The following ARHGAP24 variants were observed in gnomAD, a reference collection of about 807,000 sequenced individuals.
ARHGAP24 encodes rho GTPase-activating protein 24.
Under a neutral mutation model 76.4 loss-of-function variants are expected in ARHGAP24, and 50 were observed. The observed-to-expected ratio is 0.65, with a 90% CI of 0.52 to 0.83. The LOEUF (loss-of-function observed/expected upper bound fraction) is 0.83. Among genes scored for constraint, ARHGAP24 ranks in the 40% least tolerant of loss-of-function variants. ARHGAP24 has a pLI of 0.00. For synonymous variants in ARHGAP24, 345 were observed against 323.3 expected, an observed-to-expected ratio of 1.07 and a Z score of -0.72; for missense variants, 930 against 914.2, an observed-to-expected ratio of 1.02 and a Z score of -0.22.
intron 2 of ARHGAP24, among the ~76,000 whole-genome samples, chr4:85,685,745 A>G (rs1453096728): frequency 6.6e-6 from 1 of 152,212 alleles, no homozygotes; most frequent in Non-Finnish European, 1.5e-5. Context: ...TTACAAGAGC[A>G]GGTACTGCTT....
chr4:85,966,929 G>C (rs1222665142), intron 5 of ARHGAP24, among the ~76,000 whole-genome samples: 1 of 152,048 alleles, frequency 6.6e-6, no homozygotes, highest in Non-Finnish European at 1.5e-5. Context: ...AGTATTCAGA[G>C]TGAAAAATTC....
At chr4:85,711,803 AT>A (rs1289335116) in intron 2 of ARHGAP24, among the ~76,000 whole-genome samples, 1 of 152,124 alleles carries the variant, frequency 6.6e-6, no homozygotes, top group African/African-American at 2.4e-5. Flanking sequence ...TTTCCACTTA[AT>A]TTTTTAAACA....
chr4:85,721,821 A>G (rs1724953254), intron 2 of ARHGAP24, 64 bp from the exon 3 acceptor site: 1 of 1,378,184 alleles, frequency 7.3e-7, no homozygotes, highest in Admixed American at 1.7e-5. Flanking sequence ...TTCACTGATT[A>G]TAATGATGAT....
chr4:85,847,828 C>A (rs1393341858), intron 3 of ARHGAP24, among the ~76,000 whole-genome samples: 1 of 152,062 alleles, frequency 6.6e-6, no homozygotes, highest in Non-Finnish European at 1.5e-5. Context: ...GGTAATGCTG[C>A]CCTCCAAATA....
intron 2 of ARHGAP24, among the ~76,000 whole-genome samples, chr4:85,649,967 T>C (rs1375895684): frequency 1.3e-5 from 2 of 152,166 alleles, no homozygotes; most frequent in Non-Finnish European, 1.5e-5. Flanking sequence ...CATAAGGTCA[T>C]ACGGGTAGCA....
chr4:85,539,768 G>A (rs529139405), intron 1 of ARHGAP24, among the ~76,000 whole-genome samples: 12 of 152,236 alleles, frequency 7.9e-5, no homozygotes, highest in African/African-American at 2.2e-4. Flanking sequence ...ACAGAACTAG[G>A]TTTACAATAT....
chr4:85,548,343 C>A (rs1725997872), intron 1 of ARHGAP24, among the ~76,000 whole-genome samples: 1 of 152,162 alleles, frequency 6.6e-6, no homozygotes, highest in African/African-American at 2.4e-5. Context: ...TATGTTAATA[C>A]TTCTAGGCCC....
chr4:85,902,746 G>A (rs2148792069), intron 3 of ARHGAP24, among the ~76,000 whole-genome samples: 1 of 152,320 alleles, frequency 6.6e-6, no homozygotes, highest in Non-Finnish European at 1.5e-5. Context: ...TGGGATTACA[G>A]GTGCCCGCCA....
Position 85,766,556 on chromosome 4 carries a change from G to A in ARHGAP24, c.268+44584G>A, listed in dbSNP as rs1217357483. Reference sequence around the variant, plus strand: ...AAGCAGATTTCCAGGTGATTCCTATGCATGTTAAAGACTAATACGACCCCA... The same window carrying A: ...AAGCAGATTTCCAGGTGATTCCTATACATGTTAAAGACTAATACGACCCCA... On this transcript the variant is annotated intron_variant, in intron 3 of 9. Coordinates refer to ENST00000395184, the MANE Select transcript of ARHGAP24 (RefSeq NM_001025616.3). Among the ~76,000 whole-genome samples the A allele has an allele frequency of 2.0e-5, 3 of 152,030 alleles. No homozygotes were observed. In the East Asian group the frequency reaches 5.8e-4, roughly 29 times the overall value.
chr4:85,932,896 A>G (rs1736425259), intron 4 of ARHGAP24, among the ~76,000 whole-genome samples: 1 of 152,158 alleles, frequency 6.6e-6, no homozygotes, highest in African/African-American at 2.4e-5. Flanking sequence ...ACGAGCGCTC[A>G]GCTGCTGCAG....
At chr4:85,558,199 A>T (rs1195854683) in intron 1 of ARHGAP24, among the ~76,000 whole-genome samples, 1 of 152,190 alleles carries the variant, frequency 6.6e-6, no homozygotes, top group Admixed American at 6.5e-5. Context: ...CCTTTAGCAA[A>T]GGGATGGTGG....
At chr4:85,882,563 A>G (rs1733319785) in intron 3 of ARHGAP24, among the ~76,000 whole-genome samples, 1 of 152,182 alleles carries the variant, frequency 6.6e-6, no homozygotes, top group Non-Finnish European at 1.5e-5. Flanking sequence ...CAAAATGAGG[A>G]GCATGGGCAC....
At chr4:85,663,385 C>G (rs1722482774) in intron 2 of ARHGAP24, among the ~76,000 whole-genome samples, 1 of 140,032 alleles carries the variant, frequency 7.1e-6, no homozygotes, top group Non-Finnish European at 1.6e-5. Flanking sequence ...TGAGACTTTG[C>G]TGAAGTTGCT....
chr4:85,620,921 TC>T (rs1242006510), intron 2 of ARHGAP24, among the ~76,000 whole-genome samples: 4 of 152,066 alleles, frequency 2.6e-5, no homozygotes, highest in African/African-American at 9.7e-5. Context: ...TTCAACCCTT[TC>T]CCTGAATTCT....
chr4:85,506,495 C>T (rs1560512526), intron 1 of ARHGAP24, among the ~76,000 whole-genome samples: 1 of 152,242 alleles, frequency 6.6e-6, no homozygotes, highest in South Asian at 2.1e-4. Flanking sequence ...GCAGGTCAAT[C>T]TCATACTGCT....
chr4:85,964,892 C>A (rs77771062), intron 5 of ARHGAP24, among the ~76,000 whole-genome samples: 2 of 151,754 alleles, frequency 1.3e-5, no homozygotes, highest in Non-Finnish European at 1.5e-5. Flanking sequence ...CACATGCATG[C>A]GCTTGCACAT....
chr4:85,896,338 C>A (rs891018069), intron 3 of ARHGAP24, among the ~76,000 whole-genome samples: 5 of 152,138 alleles, frequency 3.3e-5, no homozygotes, highest in African/African-American at 9.7e-5. Flanking sequence ...TTCTCTTCTT[C>A]CCTGATCTTG....
intron 3 of ARHGAP24, among the ~76,000 whole-genome samples, chr4:85,904,231 G>A (rs571852355): frequency 1.3e-5 from 2 of 152,232 alleles, no homozygotes; most frequent in East Asian, 3.9e-4. Context: ...GAGGCCTCAG[G>A]GAGCTTTTAC....
chr4:85,688,070 C>T (rs1404045792), intron 2 of ARHGAP24, among the ~76,000 whole-genome samples: 1 of 152,162 alleles, frequency 6.6e-6, no homozygotes, highest in Non-Finnish European at 1.5e-5. Context: ...GCCTTGGCCT[C>T]CCAAAGTGCT....
Sources: allele counts gnomAD v4.1 joint callset (sites outside exome capture counted in the v4.1 genomes callset), GRCh38; gene constraint gnomAD v4.1.1; transcripts MANE v1.5; gene names NCBI Gene and HGNC (gene_info 2026-07-23, HGNC 2026-07-21).